Variants in MAGT1 observed in about 807,000 individuals in gnomAD.
MAGT1 encodes the protein magnesium transporter 1.
Under a neutral mutation model 28.4 loss-of-function variants are expected in MAGT1, and 4 were observed. The ratio of observed to expected loss-of-function variants is 0.14; its 90% confidence interval spans 0.07 to 0.32. MAGT1 has a LOEUF of 0.32. Ranked by LOEUF, MAGT1 falls within the 10% of genes least tolerant of loss-of-function variation. The pLI is 1.00. For synonymous variants in MAGT1, 89 were observed against 89.7 expected, an observed-to-expected ratio of 0.99 and a Z score of 0.04; for missense variants, 193 against 264.5, an observed-to-expected ratio of 0.73 and a Z score of 1.88.
At chrX:77,844,420 T>C (rs1557214694) in intron 7 of MAGT1, among the ~76,000 whole-genome samples, 3 of 111,915 alleles carry the variant, frequency 2.7e-5, no homozygotes, top group African/African-American at 9.7e-5. Flanking sequence ...ACTGATTTTT[T>C]TGAAGGGTTT....
intron 1 of MAGT1, among the ~76,000 whole-genome samples, chrX:77,891,626 C>T (rs1367795046): frequency 7.2e-5 from 8 of 111,502 alleles, no homozygotes; most frequent in African/African-American, 2.0e-4. Flanking sequence ...AGAATGCATT[C>T]GATAAATATC....
chrX:77,863,012 C>CAA (rs2076998623), intron 3 of MAGT1, among the ~76,000 whole-genome samples: 1 of 108,525 alleles, frequency 9.2e-6, no homozygotes, highest in African/African-American at 3.4e-5. Context: ...ACTAAAAATA[C>CAA]AAAAATTAGC....
intron 7 of MAGT1, among the ~76,000 whole-genome samples, chrX:77,841,639 T>TTGTTTGAGCCCTGACCTCAA (rs2076934926): frequency 9.1e-6 from 1 of 110,305 alleles, no homozygotes; most frequent in Non-Finnish European, 1.9e-5. Flanking sequence ...GACATTCAGT[T>TTGTTTGAGCCCTGACCTCAA]ATTGCCCTGA....
rs899158360 is a variant in MAGT1, at chrX:77,851,736, C to T, written c.826+2165G>A. Among the ~76,000 whole-genome samples, 11 of 110,680 alleles carry T rather than the reference C, an allele frequency of 9.9e-5. No homozygotes were observed. The East Asian group carries it at 1.2e-3, about 12-fold the overall frequency. Reference sequence around the variant, plus strand: ...TTCCCCATGTTGGCCAGGCTGGCCGCGAACTCCTGACCTCAAATGATCCAC... The same window carrying T: ...TTCCCCATGTTGGCCAGGCTGGCCGTGAACTCCTGACCTCAAATGATCCAC... On this transcript the variant is annotated intron_variant, in intron 7 of 9. Coordinates refer to ENST00000618282, the MANE Select transcript of MAGT1 (RefSeq NM_001367916.1).
In MAGT1 at chrX:77,856,850, A is replaced by G. The variant is rs782658978; in HGVS notation, c.555T>C (p.Asn185=). The stretch of plus-strand genomic sequence containing the variant: ...ATCCCAACATAAGGGGACCAGCATA[A>G]TTTGGGGGTCTAATCACTCTAATCT... ...DVNIRVIRPP[N]YAGPLMLGLL... is the part of the protein sequence containing the mutation. The change falls in exon 5 of 10, where the codon AAT becomes AAC. Residue 185 remains asparagine (N), a synonymous_variant. Coordinates refer to ENST00000618282, the MANE Select transcript of MAGT1 (RefSeq NM_001367916.1). 3.3e-6 allele frequency: 4 copies of G among 1,208,439 alleles called. No homozygotes were observed. Among genetic ancestry groups the G allele is most frequent in the Non-Finnish European group, 2.2e-6 (2 of 892,837 alleles).
intron 1 of MAGT1, among the ~76,000 whole-genome samples, chrX:77,888,641 T>C (rs894914703): frequency 9.9e-5 from 11 of 111,576 alleles, no homozygotes; most frequent in African/African-American, 3.6e-4. Context: ...AAAAATGGAA[T>C]ATAGGATCTA....
Position 77,825,829 on chromosome X carries a change from A to G in MAGT1, c.*3391T>C, listed in dbSNP as rs1376238997. On this transcript the variant is annotated 3_prime_UTR_variant, in exon 10 of 10. Transcript: ENST00000618282. ...CTACTAAGGTAATTTAGCCTAATAC[A>G]CTTTACTTAGTATAAAGAAATATGT... is the stretch of plus-strand genomic sequence containing the variant. Among the ~76,000 whole-genome samples, 1 of 112,868 alleles carries G rather than the reference A, an allele frequency of 8.9e-6. No individual in the cohort carries two copies. The highest frequency in any genetic ancestry group is 1.9e-5 in the Non-Finnish European group (1 of 53,402).
rs782642792 is a variant in MAGT1 at position 77,841,826 on chromosome X, C to T, written c.827-506G>A. ...GAGTAGCTGCAACTACAGGTGCTCA[C>T]CACCACGCCCAGTTAAATTCTGTAA... On this transcript the variant is annotated intron_variant, in intron 7 of 9. Transcript: ENST00000618282. Among the ~76,000 whole-genome samples, 3 of 106,015 alleles carry T rather than the reference C, an allele frequency of 2.8e-5. No homozygotes were observed. The East Asian group carries it at 8.8e-4, about 31-fold the overall frequency. The allele number at this position is 106,015 out of a possible 115,157, so 92.1% of individuals were successfully genotyped here.
At chrX:77,853,216 T>C (rs1333635152) in intron 7 of MAGT1, among the ~76,000 whole-genome samples, 1 of 111,925 alleles carries the variant, frequency 8.9e-6, no homozygotes, top group Non-Finnish European at 1.9e-5. Context: ...ACAGGAAGTA[T>C]TTTTCCCTAG....
chrX:77,841,186 G>C, intron 8 of MAGT1, 60 bp downstream of exon 8: 3 of 866,567 alleles, frequency 3.5e-6, no homozygotes, highest in Non-Finnish European at 5.1e-6. Context: ...AAGTGATTAA[G>C]AGATCACTCT....
chrX:77,860,761 G>A (rs781921215), intron 3 of MAGT1, among the ~76,000 whole-genome samples: 5 of 112,049 alleles, frequency 4.5e-5, no homozygotes, highest in East Asian at 2.9e-4. Context: ...CAGCCTGGGC[G>A]ACAGAGTGAG....
intron 8 of MAGT1, among the ~76,000 whole-genome samples, chrX:77,838,754 T>C (rs1174639429): frequency 5.2e-5 from 5 of 96,692 alleles, no homozygotes; most frequent in African/African-American, 1.1e-4. Flanking sequence ...CAAGACTCCG[T>C]CTCGAAAAAA....
At chrX:77,881,045 T>C (rs1557218379) in intron 1 of MAGT1, among the ~76,000 whole-genome samples, 1 of 106,142 alleles carries the variant, frequency 9.4e-6, no homozygotes, top group Non-Finnish European at 1.9e-5. Context: ...AAGTAGTTGG[T>C]AAAGGCTGTG....
chrX:77,826,409 A>G lies in MAGT1; in HGVS notation c.*2811T>C, dbSNP rs1208716145. The G allele has an allele frequency of 8.9e-6, 1 of 112,622 alleles. No homozygotes were observed. The highest frequency in any genetic ancestry group is 9.5e-5 in the Admixed American group (1 of 10,481). 9.3% of individuals were successfully genotyped at this position (112,622 alleles called of 1,213,427 possible). ...TGATATGGTCAAAAAGCAAACAGCC[A>G]GACATTTGGTTATCTTTGCCACTAC... On this transcript the variant is annotated 3_prime_UTR_variant, in exon 10 of 10. Transcript: ENST00000618282.
intron 3 of MAGT1, among the ~76,000 whole-genome samples, chrX:77,859,234 T>C (rs2076988795): frequency 1.8e-5 from 2 of 111,412 alleles, no homozygotes; most frequent in Non-Finnish European, 3.8e-5. Flanking sequence ...AAATAAAAAA[T>C]AAGTAACATA....
intron 7 of MAGT1, among the ~76,000 whole-genome samples, chrX:77,847,410 G>A (rs1219767148): frequency 2.7e-5 from 3 of 111,924 alleles, no homozygotes; most frequent in African/African-American, 6.5e-5. Flanking sequence ...CCCTGCTTCG[G>A]TTCACGCTCA....
At chrX:77,869,689 C>T (rs782363897) in intron 3 of MAGT1, among the ~76,000 whole-genome samples, 61 of 107,712 alleles carry the variant, frequency 5.7e-4, no homozygotes, top group Middle Eastern at 4.9e-3. Flanking sequence ...ACTTTACACC[C>T]GCAAGAATGG....
rs782142172 is a variant in MAGT1 at position 77,862,338 on chromosome X, AAAC to A, written c.391-4844_391-4842del. 2.7e-5 allele frequency among the ~76,000 whole-genome samples: 3 copies of A among 111,168 alleles called. No individual in the cohort carries two copies. The East Asian group carries it at 8.4e-4, about 31-fold the overall frequency. On this transcript the variant is annotated intron_variant, in intron 3 of 9. Coordinates refer to ENST00000618282, the MANE Select transcript of MAGT1 (RefSeq NM_001367916.1). ...CAAGGTACGAAAGTGTACGTAACAA[AAAC>A]AAAAATAGACAAATGGGACTATATT...
chrX:77,836,272 T>C (rs782705611), intron 8 of MAGT1, among the ~76,000 whole-genome samples: 90 of 111,339 alleles, frequency 8.1e-4, no homozygotes, highest in Non-Finnish European at 1.1e-3. Context: ...GAAGTACGGA[T>C]GGCTAATGGG....
Sources: allele counts gnomAD v4.1 joint callset (sites outside exome capture counted in the v4.1 genomes callset), GRCh38; gene constraint gnomAD v4.1.1; transcripts MANE v1.5; gene names NCBI Gene and HGNC (gene_info 2026-07-23, HGNC 2026-07-21).